The following SEM1 variants were observed in gnomAD, a reference collection of about 807,000 sequenced individuals.
The protein encoded by SEM1 is 26S proteasome complex subunit SEM1.
In SEM1, 3 loss-of-function variants were observed where a neutral mutation model predicts 12.7. The observed-to-expected ratio is 0.24, with a 90% CI of 0.11 to 0.61. SEM1 has a LOEUF of 0.61. Among genes scored for constraint, SEM1 ranks in the 20% least tolerant of loss-of-function variants. The pLI is 0.88. For synonymous variants in SEM1, 30 were observed against 27.8 expected (o/e 1.08, Z -0.25); for missense variants, 59 against 81.3 (o/e 0.73, Z 1.06).
At chr7:96,508,198 T>G (rs1803814827) in intron 2 of SEM1, among the ~76,000 whole-genome samples, 1 of 151,998 alleles carries the variant, frequency 6.6e-6, no homozygotes, top group Non-Finnish European at 1.5e-5. Context: ...GAGAGCTGCT[T>G]AGAAATGGAA....
chr7:96,521,386 A>C (rs984478308), intron 2 of SEM1, among the ~76,000 whole-genome samples: 2 of 152,146 alleles, frequency 1.3e-5, no homozygotes, highest in African/African-American at 4.8e-5. Flanking sequence ...CCATGGTACA[A>C]GCCACACCAC....
intron 2 of SEM1, among the ~76,000 whole-genome samples, chr7:96,683,146 C>A (rs1789665327): frequency 6.6e-6 from 1 of 151,582 alleles, no homozygotes; most frequent in Admixed American, 6.6e-5. Flanking sequence ...GACAGTGTGG[C>A]GATTCCTCAA....
chr7:96,648,878 A>G (rs934032805), intron 2 of SEM1, among the ~76,000 whole-genome samples: 8 of 152,314 alleles, frequency 5.3e-5, no homozygotes, highest in East Asian at 1.9e-4. Flanking sequence ...GCTGAAGCAT[A>G]TATCAGCTGT....
At chr7:96,542,174 C>G (rs1804978190) in intron 2 of SEM1, among the ~76,000 whole-genome samples, 1 of 151,408 alleles carries the variant, frequency 6.6e-6, no homozygotes, top group Non-Finnish European at 1.5e-5. Flanking sequence ...AGCATTGAAC[C>G]TATGGATTGA....
Position 96,575,076 on chromosome 7 carries a change from C to T in SEM1, c.171-68378G>A, listed in dbSNP as rs537886103. ...TTTTGGAATTTTCAGCCTTTTTGCA[C>T]TGGTTTTTCCTCATCTTTGTGGATT... On this transcript the variant is annotated intron_variant and NMD_transcript_variant, in intron 2 of 3. Transcript: ENST00000466986. Among the ~76,000 whole-genome samples the T allele has an allele frequency of 1.1e-3, 163 of 152,270 alleles. 2 individuals carry two copies. The highest frequency in any genetic ancestry group is 2.2e-3 in the Admixed American group (34 of 15,290).
At chr7:96,547,544 C>T (rs1262878328) in intron 2 of SEM1, among the ~76,000 whole-genome samples, 1 of 152,154 alleles carries the variant, frequency 6.6e-6, no homozygotes, top group South Asian at 2.1e-4. Flanking sequence ...TGTCCAATGA[C>T]AATGTGCCTG....
intron 2 of SEM1, among the ~76,000 whole-genome samples, chr7:96,549,841 T>C (rs1490164492): frequency 6.6e-6 from 1 of 152,198 alleles, no homozygotes; most frequent in Non-Finnish European, 1.5e-5. Context: ...GTCCAGATTG[T>C]TACATTGTAA....
chr7:96,629,924 G>A (rs1241712171), intron 2 of SEM1, among the ~76,000 whole-genome samples: 1 of 152,210 alleles, frequency 6.6e-6, no homozygotes, highest in Non-Finnish European at 1.5e-5. Context: ...AGATTTAGAA[G>A]AATTCTGTGG....
chr7:96,552,684 A>G (rs559378816), intron 2 of SEM1, among the ~76,000 whole-genome samples: 66 of 151,500 alleles, frequency 4.4e-4, no homozygotes, highest in African/African-American at 1.6e-3. Context: ...AGCATGATTT[A>G]TAGTCCTTTG....
intron 2 of SEM1, among the ~76,000 whole-genome samples, chr7:96,598,233 G>A (rs975098557): frequency 1.3e-5 from 2 of 152,136 alleles, no homozygotes; most frequent in Non-Finnish European, 2.9e-5. Flanking sequence ...AACTGGTAGA[G>A]TCAGGGATTA....
In SEM1 at chr7:96,511,646, A is replaced by G. The variant is rs150489358; in HGVS notation, c.171-4948T>C. ...TTTTGGGAAATACACAGTGTTTGTG[A>G]AAAGAGGAGTAATTACAACCAGAGG... is the stretch of plus-strand genomic sequence containing the variant. On this transcript the variant is annotated intron_variant and NMD_transcript_variant, in intron 2 of 3. Coordinates refer to the SEM1 transcript ENST00000466986. Among the ~76,000 whole-genome samples, 161 of 152,290 alleles carry G rather than the reference A, an allele frequency of 1.1e-3. No individual in the cohort carries two copies. The Middle Eastern group carries it at 0.017, about 16-fold the overall frequency.
chr7:96,528,648 G>T (rs1804543959), intron 2 of SEM1, among the ~76,000 whole-genome samples: 1 of 152,040 alleles, frequency 6.6e-6, no homozygotes, highest in African/African-American at 2.4e-5. Flanking sequence ...TGACATCTAG[G>T]CTTGCTACTT....
intron 2 of SEM1, among the ~76,000 whole-genome samples, chr7:96,626,198 C>T (rs1808057147): frequency 6.6e-6 from 1 of 152,086 alleles, no homozygotes; most frequent in Non-Finnish European, 1.5e-5. Context: ...CCTCTGGTAA[C>T]CATCCTTCTA....
At chr7:96,610,478 A>G (rs770036825) in intron 2 of SEM1, among the ~76,000 whole-genome samples, 3 of 152,226 alleles carry the variant, frequency 2.0e-5, no homozygotes, top group Non-Finnish European at 2.9e-5. Context: ...ATAGACACCA[A>G]TGATACTCTA....
intron 2 of SEM1, among the ~76,000 whole-genome samples, chr7:96,538,959 A>G (rs1246983556): frequency 1.3e-5 from 2 of 151,880 alleles, no homozygotes; most frequent in Non-Finnish European, 2.9e-5. Flanking sequence ...AGAACCTGCT[A>G]TGGTTGCTAT....
intron 2 of SEM1, among the ~76,000 whole-genome samples, chr7:96,546,143 G>A (rs1805096343): frequency 6.6e-6 from 1 of 152,062 alleles, no homozygotes; most frequent in South Asian, 2.1e-4. Flanking sequence ...ATCTTGAAGC[G>A]ATCAATGAGG....
intron 2 of SEM1, among the ~76,000 whole-genome samples, chr7:96,639,264 C>G (rs1227086453): frequency 6.6e-6 from 1 of 151,884 alleles, no homozygotes; most frequent in African/African-American, 2.4e-5. Flanking sequence ...ATTCCCTATG[C>G]TTTCGAACAA....
intron 2 of SEM1, among the ~76,000 whole-genome samples, chr7:96,662,311 G>C (rs547011099): frequency 6.6e-6 from 1 of 152,202 alleles, no homozygotes; most frequent in Admixed American, 6.5e-5. Context: ...AGAAAACGTG[G>C]GACATATATA....
At chr7:96,514,755 A>G (rs562988052) in intron 2 of SEM1, among the ~76,000 whole-genome samples, 6 of 152,110 alleles carry the variant, frequency 3.9e-5, no homozygotes, top group Non-Finnish European at 4.4e-5. Flanking sequence ...TGAAGGAAAT[A>G]AAAAAGGTTT....
Sources: gnomAD v4.1 joint callset for allele counts (sites outside exome capture counted in the v4.1 genomes callset) on GRCh38, gnomAD v4.1.1 for gene constraint, MANE v1.5 for transcripts, NCBI Gene and HGNC (gene_info 2026-07-23, HGNC 2026-07-21) for gene names.